Variants in RSRC1 observed in about 807,000 individuals in gnomAD.
RSRC1 encodes serine/Arginine-related protein 53.
In RSRC1, 39 loss-of-function variants were observed where a neutral mutation model predicts 49.1. The observed-to-expected ratio is 0.79, with a 90% confidence interval of 0.61 to 1.04. The LOEUF (loss-of-function observed/expected upper bound fraction) is 1.04. Among genes scored for constraint, RSRC1 ranks in the 50% least tolerant of loss-of-function variants. The pLI, the probability that RSRC1 is intolerant of heterozygous loss-of-function variation, is 0.00. For missense variants in RSRC1, 388 were observed against 402.4 expected, an observed-to-expected ratio of 0.96 and a Z score of 0.31; for synonymous variants, 143 against 130.8, an observed-to-expected ratio of 1.09 and a Z score of -0.63.
intron 6 of RSRC1, among the ~76,000 whole-genome samples, chr3:158,413,324 A>T (rs1460350894): frequency 6.6e-6 from 1 of 152,228 alleles, no homozygotes; most frequent in Non-Finnish European, 1.5e-5. Context: ...CTTACACCTT[A>T]TACAAAAATT....
chr3:158,520,780 ATTAT>A (rs1424248707), intron 7 of RSRC1, among the ~76,000 whole-genome samples: 1 of 152,164 alleles, frequency 6.6e-6, no homozygotes, highest in Non-Finnish European at 1.5e-5. Context: ...TAGTTTTGTG[ATTAT>A]TAAATGAGTT....
intron 3 of RSRC1, among the ~76,000 whole-genome samples, chr3:158,139,318 A>G (rs909815998): frequency 1.3e-5 from 2 of 152,034 alleles, no homozygotes; most frequent in African/African-American, 4.8e-5. Flanking sequence ...GGGCAGGAGA[A>G]TCACTTGAAC....
intron 4 of RSRC1, chr3:158,276,158 A>T: frequency 1.1e-6 from 1 of 912,646 alleles, no homozygotes; most frequent in Non-Finnish European, 1.8e-6. Flanking sequence ...GCTGGTTAAC[A>T]CCATGATGGA....
intron 4 of RSRC1, among the ~76,000 whole-genome samples, chr3:158,256,080 C>T (rs978831493): frequency 6.6e-6 from 1 of 152,080 alleles, no homozygotes; most frequent in Non-Finnish European, 1.5e-5. Flanking sequence ...TTGCCCTGGC[C>T]AGAACCTCCA....
intron 5 of RSRC1, among the ~76,000 whole-genome samples, chr3:158,319,424 TA>T (rs1370687482): frequency 6.6e-6 from 1 of 152,188 alleles, no homozygotes; most frequent in Non-Finnish European, 1.5e-5. Flanking sequence ...CTTTTCTTTA[TA>T]AATTACCCAG....
intron 7 of RSRC1, among the ~76,000 whole-genome samples, chr3:158,505,040 CT>C (rs1391432561): frequency 1.3e-5 from 2 of 152,108 alleles, no homozygotes; most frequent in African/African-American, 4.8e-5. Flanking sequence ...TAGCTTTGGC[CT>C]TTTATCAGTG....
At chr3:158,124,127 G>T in intron 3 of RSRC1, 136 bp downstream of exon 3, 1 of 530,268 alleles carries the variant, frequency 1.9e-6, no homozygotes, top group Admixed American at 3.6e-5. Flanking sequence ...TTCTCACCTG[G>T]GGTCATTCAT....
At chr3:158,360,314 G>A (rs535156404) in intron 6 of RSRC1, among the ~76,000 whole-genome samples, 1 of 152,262 alleles carries the variant, frequency 6.6e-6, no homozygotes, top group African/African-American at 2.4e-5. Context: ...CCTTAGAGGG[G>A]GAGGAAATAC....
intron 4 of RSRC1, 45 bp downstream of exon 4, chr3:158,203,290 T>C (rs369533833): frequency 2.7e-5 from 41 of 1,523,294 alleles, no homozygotes; most frequent in Non-Finnish European, 3.3e-5. Flanking sequence ...GGTGATTCCA[T>C]GGCGATGTTC....
Position 158,298,063 on chromosome 3 carries a change from A to G in RSRC1, c.519A>G (p.Gly173=). 1 of 1,605,774 alleles carries G rather than the reference A, an allele frequency of 6.2e-7. No homozygotes were observed. Among genetic ancestry groups the G allele is most frequent in the Non-Finnish European group, 8.5e-7 (1 of 1,173,056 alleles). Residue 173 remains glycine, a synonymous_variant, in exon 5 of 10, where the codon GGA becomes GGG. Coordinates refer to ENST00000611884, the MANE Select transcript of RSRC1 (RefSeq NM_001271838.2). ...GGGAATCTGGAAACATCAAAGCTGG[A>G]TTAGAACATCTGGTAAGTTCTCATT... ...KRGESGNIKA[G]LEHLPPAEQA... is the part of the protein sequence containing the mutation.
chr3:158,224,088 T>C (rs1722379473), intron 4 of RSRC1, among the ~76,000 whole-genome samples: 1 of 151,750 alleles, frequency 6.6e-6, no homozygotes, highest in Non-Finnish European at 1.5e-5. Flanking sequence ...TTCACTGCTA[T>C]ATCTGCAGAA....
At chr3:158,276,336 T>C in intron 4 of RSRC1, 1 of 768,850 alleles carries the variant, frequency 1.3e-6, no homozygotes. Flanking sequence ...CTGGCGGTAC[T>C]GCCAGCAGCA....
intron 6 of RSRC1, among the ~76,000 whole-genome samples, chr3:158,434,910 A>G (rs1471319620): frequency 6.6e-6 from 1 of 152,000 alleles, no homozygotes; most frequent in Non-Finnish European, 1.5e-5. Flanking sequence ...TTACCAAATG[A>G]AAGTACATTC....
intron 4 of RSRC1, among the ~76,000 whole-genome samples, chr3:158,270,051 G>A (rs866732312): frequency 2.0e-5 from 3 of 152,092 alleles, no homozygotes; most frequent in Non-Finnish European, 4.4e-5. Context: ...TGTGAGTAAT[G>A]GATAGGAGCA....
chr3:158,189,858 C>G (rs889813588), intron 3 of RSRC1, among the ~76,000 whole-genome samples: 3 of 151,660 alleles, frequency 2.0e-5, no homozygotes, highest in African/African-American at 4.8e-5. Context: ...ATTTTCTTCT[C>G]TATTAGGTGA....
At chr3:158,346,791 C>T (rs1730576059) in intron 5 of RSRC1, among the ~76,000 whole-genome samples, 1 of 152,160 alleles carries the variant, frequency 6.6e-6, no homozygotes, top group Non-Finnish European at 1.5e-5. Context: ...GATATGAAAG[C>T]ACATATTTAT....
chr3:158,259,108 C>A (rs911571766), intron 4 of RSRC1, among the ~76,000 whole-genome samples: 1 of 152,018 alleles, frequency 6.6e-6, no homozygotes, highest in African/African-American at 2.4e-5. Flanking sequence ...TGTTTTGATT[C>A]TTCTGCGTGT....
intron 1 of RSRC1, among the ~76,000 whole-genome samples, chr3:158,111,746 T>A (rs1714423836): frequency 6.6e-6 from 1 of 152,224 alleles, no homozygotes; most frequent in East Asian, 1.9e-4. Flanking sequence ...AATTATAGTT[T>A]GATATACTGA....
intron 4 of RSRC1, among the ~76,000 whole-genome samples, chr3:158,272,638 G>A (rs560280744): frequency 6.6e-6 from 1 of 151,816 alleles, no homozygotes; most frequent in African/African-American, 2.4e-5. Flanking sequence ...TAGTAACTGG[G>A]GGAAAAGGAA....
Sources: allele counts gnomAD v4.1 joint callset (sites outside exome capture counted in the v4.1 genomes callset), GRCh38; gene constraint gnomAD v4.1.1; transcripts MANE v1.5; gene names NCBI Gene and HGNC (gene_info 2026-07-23, HGNC 2026-07-21).